Variants in UTRN observed in about 807,000 individuals in gnomAD.
The protein encoded by UTRN is utrophin.
UTRN carries 283 observed loss-of-function variants against 463.9 expected under a neutral mutation model. The observed-to-expected ratio is 0.61, with a 90% CI of 0.55 to 0.67. The LOEUF (loss-of-function observed/expected upper bound fraction) is 0.67, where lower values mean the gene tolerates loss of function less well. UTRN is among the 30% of genes least tolerant of loss of function. The pLI, the probability that UTRN is intolerant of heterozygous loss-of-function variation, is 0.00. For missense variants in UTRN, 3,922 were observed against 4,084.3 expected (o/e 0.96, Z 1.08); for synonymous variants, 1,442 against 1,431.5 (o/e 1.01, Z -0.17).
At chr6:144,523,882 C>G (rs536317256) in intron 41 of UTRN, among the ~76,000 whole-genome samples, 16 of 152,078 alleles carry the variant, frequency 1.1e-4, no homozygotes, top group African/African-American at 3.1e-4. Context: ...TTTTTTATAG[C>G]CTTCTGTTTA....
rs529588316 is a variant in UTRN, at chr6:144,752,531, G to C, written c.8355+579G>C. 3.9e-5 allele frequency among the ~76,000 whole-genome samples: 6 copies of C among 152,090 alleles called. No homozygotes were observed. In the South Asian group the frequency reaches 8.3e-4, roughly 21 times the overall value. On this transcript the variant is annotated intron_variant, in intron 56 of 74. Coordinates refer to ENST00000367545, the MANE Select transcript of UTRN (RefSeq NM_007124.3). Reference sequence around the variant, plus strand: ...GAGAGATATATTTTATCTATAATAGGTTTGCTGAATTAATTCAAATATCAA... The same window carrying C: ...GAGAGATATATTTTATCTATAATAGCTTTGCTGAATTAATTCAAATATCAA...
chr6:144,741,412 C>A (rs1790060465), intron 54 of UTRN, among the ~76,000 whole-genome samples: 2 of 152,064 alleles, frequency 1.3e-5, no homozygotes, highest in Non-Finnish European at 2.9e-5. Context: ...TCTTTATTTT[C>A]TTTTTCTAGT....
chr6:144,499,922 A>G (rs1325218304), intron 34 of UTRN, among the ~76,000 whole-genome samples: 1 of 152,198 alleles, frequency 6.6e-6, no homozygotes, highest in East Asian at 1.9e-4. Flanking sequence ...AGCTGCAACC[A>G]TGTTGCTGCA....
At chr6:144,323,033 G>T (rs1562248640) in intron 2 of UTRN, among the ~76,000 whole-genome samples, 3 of 152,096 alleles carry the variant, frequency 2.0e-5, no homozygotes, top group Non-Finnish European at 4.4e-5. Flanking sequence ...CATGTGTAAA[G>T]GATTAGTGAG....
intron 2 of UTRN, among the ~76,000 whole-genome samples, chr6:144,301,536 CTTTTTTTTTTTT>C (rs200484231): frequency 1.1e-4 from 10 of 92,764 alleles, no homozygotes; most frequent in Admixed American, 2.5e-4. Context: ...TTCTTTCTTT[CTTTTTTTTTTTT>C]TTTTTTTTTT....
Position 144,596,794 on chromosome 6 carries a change from T to C in UTRN, c.7479+19506T>C, listed in dbSNP as rs115663450. Reference sequence around the variant, plus strand: ...AATATTTTTATGATAAAATGTCTTATAGGTAACAACAACCCTATTCTAATA... The same window carrying C: ...AATATTTTTATGATAAAATGTCTTACAGGTAACAACAACCCTATTCTAATA... On this transcript the variant is annotated intron_variant, in intron 51 of 74. Transcript: ENST00000367545. Among the ~76,000 whole-genome samples, 442 of 152,346 alleles carry C rather than the reference T, an allele frequency of 2.9e-3. 4 individuals are homozygous for C. The highest frequency in any genetic ancestry group is 0.01 in the African/African-American group (421 of 41,574).
intron 34 of UTRN, among the ~76,000 whole-genome samples, chr6:144,508,102 C>T (rs570869302): frequency 7.2e-5 from 11 of 152,208 alleles, no homozygotes; most frequent in Non-Finnish European, 1.3e-4. Context: ...CAAGCTCCAG[C>T]ATTCCAGGTC....
At chr6:144,566,251 A>G (rs1410152304) in intron 50 of UTRN, among the ~76,000 whole-genome samples, 1 of 152,094 alleles carries the variant, frequency 6.6e-6, no homozygotes, top group Non-Finnish European at 1.5e-5. Flanking sequence ...GGACTAAGAG[A>G]AGTTGGAAGA....
Position 144,768,951 on chromosome 6 carries a change from TTG to T in UTRN, c.8496-2954_8496-2953del, listed in dbSNP as rs200833090. Among the ~76,000 whole-genome samples, 8 of 113,196 alleles carry T rather than the reference TTG, an allele frequency of 7.1e-5. No individual in the cohort carries two copies. The South Asian group carries it at 8.7e-4, about 12-fold the overall frequency. 74.3% of individuals were successfully genotyped at this position (113,196 alleles called of 152,430 possible). A position where few individuals can be genotyped will look rare whatever the true frequency, so the allele number is the denominator to read the frequency against. On this transcript the variant is annotated intron_variant, in intron 58 of 74. Coordinates refer to ENST00000367545, the MANE Select transcript of UTRN (RefSeq NM_007124.3). ...GTTAATTGCTACTTTGTTTTTTGTTTTGTTTTGTTTTTTTTTTTTTAATTTTA... is the reference window on the plus strand; with the variant it reads ...GTTAATTGCTACTTTGTTTTTTGTTTTTTTGTTTTTTTTTTTTTAATTTTA...
At chr6:144,427,917 A>G (rs1489057218) in intron 7 of UTRN, among the ~76,000 whole-genome samples, 2 of 152,202 alleles carry the variant, frequency 1.3e-5, no homozygotes, top group Non-Finnish European at 2.9e-5. Flanking sequence ...TGTAGTATAT[A>G]GAAATGTACA....
intron 51 of UTRN, among the ~76,000 whole-genome samples, chr6:144,633,446 A>G (rs1278546088): frequency 6.6e-6 from 1 of 151,804 alleles, no homozygotes; most frequent in Admixed American, 6.6e-5. Context: ...TTTAGCCAGA[A>G]TGATCTCGAT....
intron 3 of UTRN, among the ~76,000 whole-genome samples, chr6:144,416,328 G>C (rs1784362729): frequency 6.6e-6 from 1 of 152,044 alleles, no homozygotes; most frequent in East Asian, 1.9e-4. Flanking sequence ...GAGAAGTTCT[G>C]CCCACAGTGA....
At chr6:144,315,646 A>G (rs1019374822) in intron 2 of UTRN, among the ~76,000 whole-genome samples, 1 of 152,188 alleles carries the variant, frequency 6.6e-6, no homozygotes, top group African/African-American at 2.4e-5. Context: ...TGATGGACAC[A>G]CTACTTCGTG....
intron 53 of UTRN, among the ~76,000 whole-genome samples, chr6:144,721,552 C>G (rs1787174316): frequency 1.3e-5 from 2 of 152,140 alleles, no homozygotes; most frequent in Admixed American, 6.5e-5. Context: ...CCTACTTATT[C>G]TAACTGATGC....
chr6:144,787,221 A>G (rs1194347573), intron 61 of UTRN, among the ~76,000 whole-genome samples: 1 of 152,186 alleles, frequency 6.6e-6, no homozygotes, highest in African/African-American at 2.4e-5. Flanking sequence ...CCTGCTTTTG[A>G]AAGGAAGCAA....
At chr6:144,344,346 T>G (rs1300662072) in intron 2 of UTRN, 2 of 1,303,882 alleles carry the variant, frequency 1.5e-6, no homozygotes, top group Non-Finnish European at 1.0e-6. Flanking sequence ...AGTGAGGTTT[T>G]CTTAAGAAAC....
In UTRN at chr6:144,343,363, AACACACACACACACACACACACAC is replaced by A. The variant is rs3061626; in HGVS notation, c.79+51480_79+51503del. 3.3e-3 allele frequency among the ~76,000 whole-genome samples: 453 copies of A among 135,420 alleles called. 2 individuals are homozygous for A. The highest frequency in any genetic ancestry group is 0.012 in the African/African-American group (425 of 35,048). 88.8% of individuals were successfully genotyped at this position (135,420 alleles called of 152,430 possible). A position where few individuals can be genotyped will look rare whatever the true frequency, so the allele number is the denominator to read the frequency against. On this transcript the variant is annotated intron_variant, in intron 2 of 74. Coordinates refer to ENST00000367545, the MANE Select transcript of UTRN (RefSeq NM_007124.3). ...ACATGGTGAAATCCCGTCTCTACTAAACACACACACACACACACACACACACACACACACACACACACACACAAT... is the reference window on the plus strand; with the variant it reads ...ACATGGTGAAATCCCGTCTCTACTAAACACACACACACACACACACACAAT...
chr6:144,797,797 C>T, intron 63 of UTRN, 27 bp from the exon 64 acceptor site: 1 of 1,607,674 alleles, frequency 6.2e-7, no homozygotes, highest in Non-Finnish European at 8.5e-7. Context: ...CATTTCTTCA[C>T]TTTTAATATA....
intron 50 of UTRN, among the ~76,000 whole-genome samples, chr6:144,576,541 A>G (rs1387326088): frequency 6.6e-6 from 1 of 152,122 alleles, no homozygotes; most frequent in Admixed American, 6.5e-5. Flanking sequence ...AGCTGCTTCA[A>G]TTATTTTTAT....
Sources: allele counts gnomAD v4.1 joint callset (sites outside exome capture counted in the v4.1 genomes callset), GRCh38; gene constraint gnomAD v4.1.1; transcripts MANE v1.5; gene names NCBI Gene and HGNC (gene_info 2026-07-23, HGNC 2026-07-21).